Variants in BDH1 observed in about 807,000 individuals in gnomAD.
The protein encoded by BDH1 is D-beta-hydroxybutyrate dehydrogenase, mitochondrial.
A neutral mutation model predicts 33.1 loss-of-function variants in BDH1; 30 were observed. The ratio of observed to expected loss-of-function variants is 0.91; its 90% CI spans 0.68 to 1.23. The LOEUF is 1.23. Ranked by LOEUF, BDH1 falls within the 50% of genes most tolerant of loss-of-function variation. BDH1 has a pLI of 0.00. For missense variants in BDH1, 443 were observed against 464.4 expected (o/e 0.95, Z 0.42); for synonymous variants, 190 against 183.6 (o/e 1.03, Z -0.28).
intron 7 of BDH1, 94 bp from the exon 8 acceptor site, chr3:197,512,458 C>A: frequency 1.3e-5 from 17 of 1,327,552 alleles, no homozygotes; most frequent in Non-Finnish European, 1.6e-5. Flanking sequence ...TGGCTGGAAC[C>A]ACTTCTGAGC....
chr3:197,569,672 C>T (rs1717544254), intron 1 of BDH1, among the ~76,000 whole-genome samples: 1 of 152,164 alleles, frequency 6.6e-6, no homozygotes, highest in Non-Finnish European at 1.5e-5. Flanking sequence ...GCTTGGCTTT[C>T]ATCCTCTCTC....
At chr3:197,532,582 G>A (rs1401090268) in intron 4 of BDH1, 60 bp from the exon 5 acceptor site, 14 of 1,239,978 alleles carry the variant, frequency 1.1e-5, no homozygotes, top group Non-Finnish European at 1.4e-5. Context: ...AAGTGACCAG[G>A]CCTCTCCACC....
At chr3:197,539,725 A>G (rs1247720493) in intron 3 of BDH1, among the ~76,000 whole-genome samples, 1 of 151,940 alleles carries the variant, frequency 6.6e-6, no homozygotes, top group Non-Finnish European at 1.5e-5. Flanking sequence ...CCGACCCAGG[A>G]ACTGACTCAG....
At chr3:197,541,784 A>G (rs757041365) in intron 3 of BDH1, among the ~76,000 whole-genome samples, 1 of 152,188 alleles carries the variant, frequency 6.6e-6, no homozygotes, top group African/African-American at 2.4e-5. Context: ...CCAAGGTTCA[A>G]TACCACTGCC....
intron 3 of BDH1, among the ~76,000 whole-genome samples, chr3:197,536,033 G>A (rs1474332528): frequency 1.3e-5 from 2 of 151,230 alleles, no homozygotes; most frequent in Non-Finnish European, 2.9e-5. Flanking sequence ...GGGACTGAGG[G>A]AGACCCTGTC....
rs571174868 is a variant in BDH1, at chr3:197,522,458, A to G, written c.409+182T>C. Among the ~76,000 whole-genome samples the G allele has an allele frequency of 6.6e-6, 1 of 152,204 alleles. No individual in the cohort carries two copies. The highest frequency in any genetic ancestry group is 1.9e-4 in the East Asian group (1 of 5,178). ...AATCACCTCCTGACTGTATTTTTCC[A>G]TTGCCCTATTGCACGTGTATGTTTA... On this transcript the variant is annotated intron_variant, in intron 6 of 7. Coordinates refer to ENST00000392379, the MANE Select transcript of BDH1 (RefSeq NM_203314.3). The surrounding 1 kb of genome is among the most constrained non-coding windows in gnomAD (Gnocchi z 4.8).
At chr3:197,527,407 G>T (rs1331312975) in intron 5 of BDH1, among the ~76,000 whole-genome samples, 2 of 152,170 alleles carry the variant, frequency 1.3e-5, no homozygotes, top group African/African-American at 4.8e-5. Context: ...CTGGGTCAGA[G>T]GCACTCATGG....
intron 3 of BDH1, chr3:197,543,138 TGA>T (rs1201270196): frequency 2.0e-6 from 2 of 985,402 alleles, no homozygotes; most frequent in Non-Finnish European, 1.2e-6. Flanking sequence ...AGCTTTCTGC[TGA>T]GAGGAGCCAT....
chr3:197,513,125 G>C (rs898603602), intron 7 of BDH1, among the ~76,000 whole-genome samples: 8 of 152,226 alleles, frequency 5.3e-5, no homozygotes, highest in African/African-American at 1.9e-4. Context: ...AGAGTCCTGG[G>C]CACTGGGAGA....
intron 3 of BDH1, among the ~76,000 whole-genome samples, chr3:197,539,285 A>G (rs1185258059): frequency 6.6e-6 from 1 of 151,996 alleles, no homozygotes; most frequent in Non-Finnish European, 1.5e-5. Flanking sequence ...GATTACAGGC[A>G]CCCACCACCA....
intron 2 of BDH1, among the ~76,000 whole-genome samples, chr3:197,549,987 T>TATATATATATATATATATATATATATCTA (rs1407118020): frequency 8.3e-6 from 1 of 121,104 alleles, no homozygotes; most frequent in African/African-American, 3.7e-5. Context: ...ATATATATAT[T>TATATATATATATATATATATATATATCTA]TGGCCATTCC....
intron 6 of BDH1, chr3:197,515,734 CTCTATCCTGTAATACAAAGATT>C (rs1712637946): frequency 1.0e-6 from 1 of 983,722 alleles, no homozygotes; most frequent in African/African-American, 1.8e-5. Context: ...CTTCCAAGAA[CTCTATCCTGTAATACAAAGATT>C]AGCCGGGTGT....
intron 7 of BDH1, among the ~76,000 whole-genome samples, chr3:197,513,604 T>C (rs1712352003): frequency 6.6e-6 from 1 of 152,228 alleles, no homozygotes; most frequent in South Asian, 2.1e-4. Flanking sequence ...AGCTCTAAAT[T>C]TGAAGTCACT....
At position 197,522,804 on chromosome 3, in the gene BDH1, T is replaced by C; in HGVS notation, c.268-23A>G. On this transcript the variant is annotated intron_variant, in intron 5 of 7. Transcript: ENST00000392379. The surrounding 1 kb of genome is among the most constrained non-coding windows in gnomAD (Gnocchi z 4.8). ...GTCCTGGGGAGGAGAGAAGAGCTGC[T>C]TCTACCTCCTTCCTTCCCACCCTGA... The C allele has an allele frequency of 6.2e-7, 1 of 1,611,066 alleles. No homozygotes were observed. Among genetic ancestry groups the C allele is most frequent in the Non-Finnish European group, 8.5e-7 (1 of 1,177,912 alleles).
At chr3:197,564,919 T>TTTTTG (rs543095506) in intron 1 of BDH1, among the ~76,000 whole-genome samples, 2 of 152,156 alleles carry the variant, frequency 1.3e-5, no homozygotes, top group South Asian at 4.2e-4. Context: ...TGTGTTTTGT[T>TTTTTG]TTTTGTTTTG....
chr3:197,567,857 G>T (rs995391806), intron 1 of BDH1, among the ~76,000 whole-genome samples: 1 of 152,100 alleles, frequency 6.6e-6, no homozygotes, highest in African/African-American at 2.4e-5. Context: ...TTCTAATAAG[G>T]GTTCAGGATA....
intron 5 of BDH1, among the ~76,000 whole-genome samples, chr3:197,531,753 TGTG>T (rs1279806536): frequency 6.6e-6 from 1 of 152,088 alleles, no homozygotes; most frequent in Non-Finnish European, 1.5e-5. Context: ...TAAAGTGGAT[TGTG>T]GTGGTGGGCG....
In BDH1 at chr3:197,522,618, G is replaced by T; in HGVS notation, c.409+22C>A. ...TGGAATGGCCCCATACACAACCCCT[G>T]CCGTCCGAAGGGGCGCCCTACCTTT... is the stretch of plus-strand genomic sequence containing the variant. On this transcript the variant is annotated intron_variant, in intron 6 of 7. Transcript: ENST00000392379. The surrounding 1 kb of genome is among the most constrained non-coding windows in gnomAD (Gnocchi z 4.8). 6.2e-7 allele frequency: 1 copy of T among 1,613,400 alleles called. No individual in the cohort carries two copies. Among genetic ancestry groups the T allele is most frequent in the African/African-American group, 1.3e-5 (1 of 75,054 alleles).
upstream of BDH1, among the ~76,000 whole-genome samples, chr3:197,560,490 G>A (rs1481304119): frequency 1.3e-5 from 2 of 152,194 alleles, no homozygotes; most frequent in Non-Finnish European, 2.9e-5. Flanking sequence ...CAGAATGTGA[G>A]GTCCTGTTCC....
Sources: allele counts gnomAD v4.1 joint callset (sites outside exome capture counted in the v4.1 genomes callset), GRCh38; gene constraint gnomAD v4.1.1; non-coding constraint Gnocchi (gnomAD v3.1); transcripts MANE v1.5; gene names NCBI Gene and HGNC (gene_info 2026-07-23, HGNC 2026-07-21).